The following CAMTA1 variants were observed in gnomAD, a reference collection of about 807,000 sequenced individuals.
The protein encoded by CAMTA1 is calmodulin-binding transcription activator 1.
Under a neutral mutation model 170.9 loss-of-function variants are expected in CAMTA1, and 27 were observed. That is an observed-to-expected ratio of 0.16 (90% CI 0.12 to 0.22). The LOEUF (loss-of-function observed/expected upper bound fraction) is 0.22, where lower values mean the gene tolerates loss of function less well. Ranked by LOEUF, CAMTA1 falls within the 10% of genes least tolerant of loss-of-function variation. The probability of loss-of-function intolerance (pLI) is 1.00; values close to 1 mark genes in which losing one functional copy is unlikely to be tolerated. For synonymous variants in CAMTA1, 833 were observed against 891.5 expected (o/e 0.93, Z 1.17); for missense variants, 1,619 against 2,217.2 (o/e 0.73, Z 5.42).
At chr1:6,815,330 A>T (rs1436917633) in intron 1 of CAMTA1, among the ~76,000 whole-genome samples, 1 of 151,580 alleles carries the variant, frequency 6.6e-6, no homozygotes, top group African/African-American at 2.4e-5. Flanking sequence ...TCAGCCTTCC[A>T]TTTAGCTGGG....
rs1307754073 is a variant in CAMTA1, at chr1:7,736,962, C to T, written c.3295C>T (p.Leu1099=). 1.2e-6 allele frequency: 2 copies of T among 1,613,542 alleles called. No homozygotes were observed. The highest frequency in any genetic ancestry group is 2.7e-5 in the African/African-American group (2 of 74,882). The change falls in exon 14 of 23, where the codon CTG becomes TTG. Residue 1099 remains leucine, a synonymous_variant. Transcript: ENST00000303635. This position sits in a 1 kb window ranked among gnomAD's most constrained non-coding sequence, Gnocchi z 4.5. ...TKHADSIDLE[L]EVDPLNVDHF... ...GCACGCGGATAGCATTGACCTGGAA[C>T]TGGAAGTTGACCCCTTGAATGTGGA...
chr1:6,987,377 C>G (rs974287923), intron 3 of CAMTA1, among the ~76,000 whole-genome samples: 12 of 152,184 alleles, frequency 7.9e-5, no homozygotes, highest in Non-Finnish European at 1.5e-4. Flanking sequence ...GTTGGCCAGG[C>G]TGGTCTCGAA....
chr1:7,386,396 A>G (rs2087994374), intron 5 of CAMTA1, among the ~76,000 whole-genome samples: 1 of 152,178 alleles, frequency 6.6e-6, no homozygotes, highest in Admixed American at 6.5e-5. Flanking sequence ...GGGAGGCTGT[A>G]GCCACTCAGT....
chr1:7,103,756 A>G (rs1282131207), intron 4 of CAMTA1, among the ~76,000 whole-genome samples: 1 of 151,858 alleles, frequency 6.6e-6, no homozygotes, highest in African/African-American at 2.4e-5. Flanking sequence ...AATACATTAC[A>G]CACATGCACA....
intron 4 of CAMTA1, among the ~76,000 whole-genome samples, chr1:7,152,855 C>T (rs1184903386): frequency 2.0e-5 from 3 of 152,204 alleles, no homozygotes; most frequent in Admixed American, 2.0e-4. Context: ...TAACCTTTCA[C>T]AGATGTTCCA....
chr1:6,933,130 G>C (rs1389739692), intron 3 of CAMTA1, among the ~76,000 whole-genome samples: 1 of 151,804 alleles, frequency 6.6e-6, no homozygotes, highest in East Asian at 1.9e-4. Flanking sequence ...GAGTGCAGTA[G>C]CTGTTCACAG....
intron 5 of CAMTA1, among the ~76,000 whole-genome samples, chr1:7,362,491 T>G (rs845262): frequency 0.7 from 106,981 of 151,808 alleles, 38,139 homozygotes; most frequent in Middle Eastern, 0.77. Context: ...TGGTGGAATT[T>G]AATAGAGTTG....
intron 6 of CAMTA1, among the ~76,000 whole-genome samples, chr1:7,514,589 TA>T (rs2094253425): frequency 6.6e-6 from 1 of 152,182 alleles, no homozygotes; most frequent in Non-Finnish European, 1.5e-5. Flanking sequence ...TCCTTTTGCA[TA>T]GAAACAACTC....
intron 3 of CAMTA1, among the ~76,000 whole-genome samples, chr1:7,040,787 G>A (rs996233128): frequency 6.0e-5 from 9 of 150,916 alleles, no homozygotes; most frequent in Non-Finnish European, 1.0e-4. Context: ...GTGCAATGGC[G>A]CGATCTTGGC....
intron 11 of CAMTA1, among the ~76,000 whole-genome samples, chr1:7,684,415 G>C (rs1362003928): frequency 6.6e-6 from 1 of 152,218 alleles, no homozygotes. Context: ...GCTTCACACA[G>C]AGATGTGCTC....
intron 3 of CAMTA1, among the ~76,000 whole-genome samples, chr1:6,884,589 T>C (rs568952577): frequency 1.3e-5 from 2 of 152,282 alleles, no homozygotes; most frequent in East Asian, 3.9e-4. Context: ...AGTTTCCCTT[T>C]AGTTTGTTGC....
chr1:7,275,320 G>A (rs181447262), intron 5 of CAMTA1, among the ~76,000 whole-genome samples: 12 of 151,816 alleles, frequency 7.9e-5, no homozygotes, highest in Non-Finnish European at 1.0e-4. Context: ...ATTAACAAAG[G>A]TTTAAAATGT....
At chr1:7,647,026 C>T (rs1318910637) in intron 7 of CAMTA1, among the ~76,000 whole-genome samples, 1 of 152,176 alleles carries the variant, frequency 6.6e-6, no homozygotes, top group East Asian at 1.9e-4. Context: ...TGGCTGCAAA[C>T]GGGCCCCTCA....
chr1:7,709,525 A>G (rs1370569949), intron 11 of CAMTA1, among the ~76,000 whole-genome samples: 3 of 152,240 alleles, frequency 2.0e-5, no homozygotes, highest in Admixed American at 6.5e-5. Flanking sequence ...TCTAAAGCCA[A>G]CTGGTGGATG....
intron 9 of CAMTA1, among the ~76,000 whole-genome samples, chr1:7,666,859 C>A (rs1406489633): frequency 6.6e-6 from 1 of 151,894 alleles, no homozygotes; most frequent in Non-Finnish European, 1.5e-5. Context: ...GTGTTTCTGA[C>A]CCCCCTGCTG....
chr1:7,663,825 C>T lies in CAMTA1; in HGVS notation c.1278C>T (p.Asp426=), dbSNP rs368856566. 35 of 1,614,050 alleles carry T rather than the reference C, an allele frequency of 2.2e-5. No individual in the cohort carries two copies. Among genetic ancestry groups the T allele is most frequent in the South Asian group, 4.4e-5 (4 of 91,092 alleles). ...CCAACCACCACCTCCTCTCACCTGA[C>T]GCCTCTCAGGGCCTCGTCCTGGCCG... is the stretch of plus-strand genomic sequence containing the variant. ...AGPNHHLLSP[D]ASQGLVLAVS... The change falls in exon 9 of 23, where the codon GAC becomes GAT. Residue 426 remains aspartate, a synonymous_variant. Transcript: ENST00000303635.
chr1:7,630,081 T>A (rs1479948405), intron 6 of CAMTA1, among the ~76,000 whole-genome samples: 1 of 152,220 alleles, frequency 6.6e-6, no homozygotes, highest in Admixed American at 6.5e-5. Flanking sequence ...GGGTCATTTA[T>A]AATGATTTTA....
Position 7,500,068 on chromosome 1 carries a change from A to AGT in CAMTA1, c.510+32177_510+32178dup, listed in dbSNP as rs142112568. 2.3e-3 allele frequency among the ~76,000 whole-genome samples: 264 copies of AGT among 114,830 alleles called. 5 individuals are homozygous for AGT. The highest frequency in any genetic ancestry group is 8.7e-3 in the African/African-American group (249 of 28,534). The allele number at this position is 114,830 out of a possible 152,430, so 75.3% of individuals were successfully genotyped here. ...CCTGGTGTGCGTGTGTACGTATATG[A>AGT]GTGTGTGTGTGCATGTGTGTCCATG... On this transcript the variant is annotated intron_variant, in intron 6 of 22. Transcript: ENST00000303635.
chr1:7,557,645 TC>T (rs1333702900), intron 6 of CAMTA1, among the ~76,000 whole-genome samples: 1 of 152,194 alleles, frequency 6.6e-6, no homozygotes, highest in Non-Finnish European at 1.5e-5. Flanking sequence ...GGCCCATTTC[TC>T]CCCCAGCTCC....
Sources: gnomAD v4.1 joint callset for allele counts (sites outside exome capture counted in the v4.1 genomes callset) on GRCh38, gnomAD v4.1.1 for gene constraint, Gnocchi (gnomAD v3.1) non-coding constraint, MANE v1.5 for transcripts, NCBI Gene and HGNC (gene_info 2026-07-23, HGNC 2026-07-21) for gene names.